The following GRIA1 variants were observed in gnomAD, a reference collection of about 807,000 sequenced individuals.
The protein encoded by GRIA1 is glutamate ionotropic receptor AMPA type subunit 1.
GRIA1 carries 31 observed loss-of-function variants against 99.2 expected under a neutral mutation model. The observed-to-expected ratio is 0.31, with a 90% CI of 0.23 to 0.42. The LOEUF (loss-of-function observed/expected upper bound fraction) is 0.42, where lower values mean the gene tolerates loss of function less well. GRIA1 is among the 10% of genes least tolerant of loss of function. The pLI is 1.00. For missense variants in GRIA1, 782 were observed against 1,157.5 expected (o/e 0.68, Z 4.71); for synonymous variants, 438 against 432.4 (o/e 1.01, Z -0.16).
At chr5:153,774,713 A>G (rs1764107061) in intron 13 of GRIA1, among the ~76,000 whole-genome samples, 1 of 152,232 alleles carries the variant, frequency 6.6e-6, no homozygotes, top group African/African-American at 2.4e-5. Flanking sequence ...TCTCCAAGAC[A>G]GATCACCCAG....
At chr5:153,622,760 C>G (rs1767180478) in intron 2 of GRIA1, among the ~76,000 whole-genome samples, 1 of 152,082 alleles carries the variant, frequency 6.6e-6, no homozygotes, top group African/African-American at 2.4e-5. Flanking sequence ...GTTACTCCAC[C>G]AAGCTCTTTG....
intron 2 of GRIA1, among the ~76,000 whole-genome samples, chr5:153,502,408 C>T (rs1379603414): frequency 6.6e-6 from 1 of 152,172 alleles, no homozygotes; most frequent in African/African-American, 2.4e-5. Flanking sequence ...TTCCAACAGG[C>T]TGTGCTGTAA....
chr5:153,770,249 G>A lies in GRIA1; in HGVS notation c.2104G>A (p.Glu702Lys). 1 of 1,614,036 alleles carries A rather than the reference G, an allele frequency of 6.2e-7. No homozygotes were observed. Among genetic ancestry groups the A allele is most frequent in the Non-Finnish European group, 8.5e-7 (1 of 1,179,936 alleles). ...EPSVFVRTTE[E>K]GMIRVRKSKG... ...ATCAGTTTTTGTGCGGACCACAGAGGAGGGGATGATTCGAGTGAGGAAATC... is the reference window on the plus strand; with the variant it reads ...ATCAGTTTTTGTGCGGACCACAGAGAAGGGGATGATTCGAGTGAGGAAATC... Residue 702 changes from glutamate to lysine, a missense_variant, in exon 13 of 16, where the codon GAG becomes AAG. Physicochemically the swap from Glu to Lys is moderately conservative, Grantham distance 56 (BLOSUM62 1). This residue lies in a region of GRIA1 where 119 missense variants were observed against 326.6 expected (regional missense o/e 0.36). Coordinates refer to ENST00000285900, the MANE Select transcript of GRIA1 (RefSeq NM_000827.4).
chr5:153,590,291 A>G (rs1232719298), intron 2 of GRIA1, among the ~76,000 whole-genome samples: 1 of 152,290 alleles, frequency 6.6e-6, no homozygotes, highest in African/African-American at 2.4e-5. Context: ...GCCAAGCTTT[A>G]TTATACCAAG....
rs76372068 is a variant in GRIA1 at position 153,512,013 on chromosome 5, G to A, written c.220+17948G>A. Among the ~76,000 whole-genome samples the A allele has an allele frequency of 9.8e-3, 1,488 of 152,246 alleles. 10 individuals are homozygous for A. Among genetic ancestry groups the A allele is most frequent in the Non-Finnish European group, 0.015 (1,052 of 68,008 alleles). ...ACACACAAACAAACAAAGCAAATCTGCTGCAAAAAGAGGCAGGTTGAAATA... is the reference window on the plus strand; with the variant it reads ...ACACACAAACAAACAAAGCAAATCTACTGCAAAAAGAGGCAGGTTGAAATA... On this transcript the variant is annotated intron_variant, in intron 2 of 15. Coordinates refer to ENST00000285900, the MANE Select transcript of GRIA1 (RefSeq NM_000827.4).
chr5:153,755,703 AT>A (rs1265440707), intron 11 of GRIA1: 2 of 152,206 alleles, frequency 1.3e-5, no homozygotes, highest in African/African-American at 4.8e-5. Flanking sequence ...ATAAAACAAG[AT>A]GGCAGAATAG....
intron 2 of GRIA1, among the ~76,000 whole-genome samples, chr5:153,564,328 G>A (rs1445077122): frequency 6.6e-6 from 1 of 152,154 alleles, no homozygotes; most frequent in Non-Finnish European, 1.5e-5. Context: ...AGAAGTTTTT[G>A]TTTGTCTGTG....
chr5:153,544,109 G>A lies in GRIA1; in HGVS notation c.220+50044G>A, dbSNP rs139317507. Among the ~76,000 whole-genome samples the A allele has an allele frequency of 3.2e-3, 484 of 152,216 alleles. 6 individuals carry two copies. Among genetic ancestry groups the A allele is most frequent in the African/African-American group, 0.011 (462 of 41,522 alleles). On this transcript the variant is annotated intron_variant, in intron 2 of 15. Transcript: ENST00000285900. ...AAAAAAGTGTTTTATATCCCACAGG[G>A]GAGTTTAAAAGTCAAATGAGGAATG...
intron 2 of GRIA1, among the ~76,000 whole-genome samples, chr5:153,580,714 C>A (rs1032744905): frequency 1.3e-5 from 2 of 152,122 alleles, no homozygotes; most frequent in Non-Finnish European, 2.9e-5. Flanking sequence ...TCTGGGGGGT[C>A]AGCTGCAGAG....
At chr5:153,666,888 G>A (rs1440050646) in intron 5 of GRIA1, among the ~76,000 whole-genome samples, 1 of 152,122 alleles carries the variant, frequency 6.6e-6, no homozygotes, top group Admixed American at 6.6e-5. Context: ...GAGCCTCAGA[G>A]AACAAATCAT....
At chr5:153,770,491 A>G (rs566568640) in intron 13 of GRIA1, 76 bp downstream of exon 13, 10 of 1,407,176 alleles carry the variant, frequency 7.1e-6, no homozygotes, top group Non-Finnish European at 9.9e-6. Context: ...TGTGTCTGCT[A>G]CAAGCCTCCA....
At chr5:153,554,214 C>A (rs1038068295) in intron 2 of GRIA1, among the ~76,000 whole-genome samples, 1 of 152,126 alleles carries the variant, frequency 6.6e-6, no homozygotes, top group African/African-American at 2.4e-5. Flanking sequence ...GTAGGTAACT[C>A]TCTCAATAGT....
chr5:153,605,597 A>T (rs1333991174), intron 2 of GRIA1, among the ~76,000 whole-genome samples: 1 of 152,216 alleles, frequency 6.6e-6, no homozygotes, highest in Non-Finnish European at 1.5e-5. Context: ...TTACACTCCC[A>T]CCATCAATAT....
rs142177091 is a variant in GRIA1, at chr5:153,771,672, C to T, written c.2270+1257C>T. On this transcript the variant is annotated intron_variant, in intron 13 of 15. Coordinates refer to ENST00000285900, the MANE Select transcript of GRIA1 (RefSeq NM_000827.4). Reference sequence around the variant, plus strand: ...GAACAAAATTCTCACTATGAAACAACGAGATATGCTGGATAAGATATAACA... The same window carrying T: ...GAACAAAATTCTCACTATGAAACAATGAGATATGCTGGATAAGATATAACA... Among the ~76,000 whole-genome samples, 806 of 152,246 alleles carry T rather than the reference C, an allele frequency of 5.3e-3. 3 individuals carry two copies. Among genetic ancestry groups the T allele is most frequent in the Non-Finnish European group, 7.0e-3 (478 of 68,002 alleles).
intron 11 of GRIA1, among the ~76,000 whole-genome samples, chr5:153,715,793 G>A (rs1448593220): frequency 6.6e-6 from 1 of 152,172 alleles, no homozygotes; most frequent in Non-Finnish European, 1.5e-5. Context: ...CCTGACATGA[G>A]GGGTTGTATG....
At chr5:153,637,788 G>C (rs982937956) in intron 2 of GRIA1, among the ~76,000 whole-genome samples, 1 of 152,038 alleles carries the variant, frequency 6.6e-6, no homozygotes, top group Non-Finnish European at 1.5e-5. Flanking sequence ...GGAGTATTAC[G>C]TATCTTCCAG....
At chr5:153,799,751 T>C (rs945864121) in intron 14 of GRIA1, among the ~76,000 whole-genome samples, 5 of 152,142 alleles carry the variant, frequency 3.3e-5, no homozygotes, top group African/African-American at 4.8e-5. Flanking sequence ...GTAAAGGATG[T>C]ATCCCCCCTC....
chr5:153,673,784 C>T (rs1390119377), intron 5 of GRIA1, among the ~76,000 whole-genome samples: 3 of 152,186 alleles, frequency 2.0e-5, no homozygotes, highest in Non-Finnish European at 2.9e-5. Flanking sequence ...CTTTTACAGT[C>T]GAAGCCTTCT....
intron 2 of GRIA1, among the ~76,000 whole-genome samples, chr5:153,577,768 G>A (rs946518113): frequency 3.9e-5 from 6 of 152,142 alleles, no homozygotes; most frequent in African/African-American, 1.2e-4. Context: ...GTGAGTAAGG[G>A]GGACAAGACA....
Sources: gnomAD v4.1 joint callset for allele counts (sites outside exome capture counted in the v4.1 genomes callset) on GRCh38, gnomAD v4.1.1 for gene constraint, gnomAD v4.1.1 regional missense constraint, MANE v1.5 for transcripts, NCBI Gene and HGNC (gene_info 2026-07-23, HGNC 2026-07-21) for gene names.